Variants in TCF25 observed in about 807,000 individuals in gnomAD.
The protein encoded by TCF25 is ribosome quality control complex subunit TCF25.
TCF25 carries 41 observed loss-of-function variants against 83.1 expected under a neutral mutation model. That is an observed-to-expected ratio of 0.49 (90% CI 0.38 to 0.64). The LOEUF (loss-of-function observed/expected upper bound fraction) is 0.64, where lower values mean the gene tolerates loss of function less well. Ranked by LOEUF, TCF25 falls within the 30% of genes least tolerant of loss-of-function variation. The pLI is 0.00. For missense variants in TCF25, 979 were observed against 914.5 expected, an observed-to-expected ratio of 1.07 and a Z score of -0.91; for synonymous variants, 458 against 365.0, an observed-to-expected ratio of 1.25 and a Z score of -2.90.
At chr16:89,887,541 C>G in intron 4 of TCF25, 111 bp from the exon 5 acceptor site, 4 of 1,094,858 alleles carry the variant, frequency 3.7e-6, no homozygotes, top group Non-Finnish European at 5.0e-6. Flanking sequence ...AGCTGCCTTT[C>G]AAACCAAAAA....
rs1597370528 is a variant in TCF25, at chr16:89,903,612, C to A, written c.1382-506C>A. ...CCTGAGGTCAAGAGTTCAAGACCAGCCTGGCCAGCATGGTGAAACCCTGTC... is the reference window on the plus strand; with the variant it reads ...CCTGAGGTCAAGAGTTCAAGACCAGACTGGCCAGCATGGTGAAACCCTGTC... On this transcript the variant is annotated intron_variant, in intron 12 of 17. Transcript: ENST00000263346. 2.6e-5 allele frequency among the ~76,000 whole-genome samples: 4 copies of A among 152,044 alleles called. No homozygotes were observed. The East Asian group carries it at 7.7e-4, about 29-fold the overall frequency.
chr16:89,910,726 G>A (rs1297495485), intron 17 of TCF25, 63 bp downstream of exon 17: 21 of 1,526,754 alleles, frequency 1.4e-5, no homozygotes, highest in African/African-American at 2.7e-5. Context: ...ATTCCAGTGC[G>A]AATGCCTGGA....
rs555770033 is a variant in TCF25, at chr16:89,873,610, A to C, written c.-58A>C. ...GCGAAGAGTGCGCAGGCGCGCCGAC[A>C]GCCGAGTTTTCTGCGCTTCCTTCTC... On this transcript the variant is annotated 5_prime_UTR_variant, in exon 1 of 18. Coordinates refer to ENST00000263346, the MANE Select transcript of TCF25 (RefSeq NM_014972.3). 2,669 of 1,276,128 alleles carry C rather than the reference A, an allele frequency of 2.1e-3. 4 individuals are homozygous for C. Among genetic ancestry groups the C allele is most frequent in the Non-Finnish European group, 2.4e-3 (2,342 of 990,854 alleles). 79.1% of individuals were successfully genotyped at this position (1,276,128 alleles called of 1,614,324 possible).
chr16:89,883,639 A>G, intron 2 of TCF25, 127 bp downstream of exon 2: 1 of 1,124,748 alleles, frequency 8.9e-7, no homozygotes, highest in Non-Finnish European at 1.2e-6. Context: ...GTTACCTGCT[A>G]GTTGCCCCCA....
chr16:89,910,605 G>C lies in TCF25; in HGVS notation c.1814G>C (p.Ser605Thr). ...CTTTCTTTCAGGCTAAGTCCTATCAGCCATGGAAACACCATTGCTCTCTTC... is the reference window on the plus strand; with the variant it reads ...CTTTCTTTCAGGCTAAGTCCTATCACCCATGGAAACACCATTGCTCTCTTC... ...YVRPERLSPI[S>T]HGNTIALFFR... The change falls in exon 17 of 18, where the codon AGC becomes ACC. Residue 605 changes from serine (S) to threonine (T), a missense_variant. Ser to Thr is a moderately conservative substitution (Grantham distance 58). Coordinates refer to ENST00000263346, the MANE Select transcript of TCF25 (RefSeq NM_014972.3). 1.9e-6 allele frequency: 3 copies of C among 1,613,732 alleles called. No individual in the cohort carries two copies. The highest frequency in any genetic ancestry group is 2.5e-6 in the Non-Finnish European group (3 of 1,179,962).
chr16:89,893,859 G>C lies in TCF25; in HGVS notation c.828+1G>C. 1 of 1,601,400 alleles carries C rather than the reference G, an allele frequency of 6.2e-7. No homozygotes were observed. The highest frequency in any genetic ancestry group is 8.5e-7 in the Non-Finnish European group (1 of 1,174,398). On this transcript the variant is annotated splice_donor_variant, in intron 7 of 17. Transcript: ENST00000263346. LOFTEE classifies it high-confidence loss of function. ...GTCTATGGAGCCGAACAACATCGTG[G>C]TGCGTGGTCCCTGCAGCCCCTGACA...
At chr16:89,888,899 C>T (rs2043215952) in intron 5 of TCF25, among the ~76,000 whole-genome samples, 1 of 139,260 alleles carries the variant, frequency 7.2e-6, no homozygotes, top group Admixed American at 7.5e-5. Context: ...GTCGGCCAGG[C>T]TGGTCTCGAA....
Position 89,910,610 on chromosome 16 carries a change from G to A in TCF25, c.1819G>A (p.Gly607Arg), listed in dbSNP as rs777041273. Residue 607 changes from glycine (G) to arginine (R), a missense_variant, in exon 17 of 18, where the codon GGA becomes AGA. Coordinates refer to ENST00000263346, the MANE Select transcript of TCF25 (RefSeq NM_014972.3). ...TTTCAGGCTAAGTCCTATCAGCCAT[G>A]GAAACACCATTGCTCTCTTCTTCCG... Reference protein sequence around the residue: ...RPERLSPISHGNTIALFFRSL... With the variant: ...RPERLSPISHRNTIALFFRSL... 8.7e-6 allele frequency: 14 copies of A among 1,613,602 alleles called. No individual in the cohort carries two copies. In the Admixed American group the frequency reaches 1.8e-4, roughly 21 times the overall value.
chr16:89,903,032 G>C (rs2044474973), intron 12 of TCF25, among the ~76,000 whole-genome samples: 1 of 152,234 alleles, frequency 6.6e-6, no homozygotes, highest in African/African-American at 2.4e-5. Context: ...CGTCCCCTGT[G>C]TCTAAGAAGC....
chr16:89,898,823 T>C lies in TCF25; in HGVS notation c.1172T>C (p.Leu391Ser), dbSNP rs1324618166. 3.7e-6 allele frequency: 6 copies of C among 1,613,860 alleles called. No individual in the cohort carries two copies. Among genetic ancestry groups the C allele is most frequent in the Non-Finnish European group, 4.2e-6 (5 of 1,180,032 alleles). ...CMLLLIDHLA[L>S]RARNYEYLIR... The stretch of plus-strand genomic sequence containing the variant: ...CTGCTGCTCATCGACCACCTGGCCT[T>C]GCGGGCCCGGAACTACGAGTACCTG... The change falls in exon 11 of 18, where the codon TTG (leucine) becomes TCG (serine). Residue 391 changes from leucine to serine, a missense_variant. Coordinates refer to ENST00000263346, the MANE Select transcript of TCF25 (RefSeq NM_014972.3).
intron 13 of TCF25, chr16:89,904,583 A>C (rs1306370578): frequency 6.2e-6 from 3 of 485,588 alleles, no homozygotes; most frequent in Non-Finnish European, 1.1e-5. Flanking sequence ...GTCTCAAAAA[A>C]CAAAATAAAC....
intron 1 of TCF25, among the ~76,000 whole-genome samples, chr16:89,876,836 G>A (rs773914891): frequency 4.2e-4 from 64 of 151,636 alleles, no homozygotes; most frequent in Non-Finnish European, 8.5e-4. Flanking sequence ...GGCTGAGGCA[G>A]GAGAATGGCG....
At chr16:89,891,024 T>A (rs2043386889) in intron 5 of TCF25, among the ~76,000 whole-genome samples, 1 of 150,010 alleles carries the variant, frequency 6.7e-6, no homozygotes, top group Non-Finnish European at 1.5e-5. Context: ...TAACAGGCAC[T>A]GCTTTCTCTT....
rs959891704 is a variant in TCF25 at position 89,886,792 on chromosome 16, C to G, written c.548+826C>G. 2.6e-5 allele frequency among the ~76,000 whole-genome samples: 4 copies of G among 151,282 alleles called. 1 individual carries two copies. The South Asian group carries it at 8.4e-4, about 32-fold the overall frequency. On this transcript the variant is annotated intron_variant, in intron 4 of 17. Transcript: ENST00000263346. ...AAGAAAAAAAAAATACAAAAATTAG[C>G]TGGATGTGGTGGTGGGTGCCTGTAA...
intron 5 of TCF25, among the ~76,000 whole-genome samples, chr16:89,891,160 C>T (rs1006489539): frequency 1.3e-5 from 2 of 152,230 alleles, no homozygotes; most frequent in South Asian, 2.1e-4. Flanking sequence ...CCCCTGCCCC[C>T]TCCTGGCATC....
chr16:89,900,395 C>T (rs994722292), intron 11 of TCF25, among the ~76,000 whole-genome samples: 4 of 151,602 alleles, frequency 2.6e-5, no homozygotes, highest in Admixed American at 6.6e-5. Context: ...ACGGTGTCCT[C>T]GCTCCGGCTC....
chr16:89,906,418 A>G, intron 15 of TCF25, 134 bp downstream of exon 15: 2 of 804,956 alleles, frequency 2.5e-6, no homozygotes, highest in Non-Finnish European at 4.1e-6. Context: ...CGGCAGGGGC[A>G]GGGTCTAGTG....
chr16:89,910,415 G>A, intron 16 of TCF25, 176 bp from the exon 17 acceptor site: 3 of 638,798 alleles, frequency 4.7e-6, no homozygotes, highest in Non-Finnish European at 5.5e-6. Context: ...TGATGAGGAA[G>A]CCTCACGGGC....
chr16:89,875,443 G>A lies in TCF25; in HGVS notation c.192+1584G>A, dbSNP rs565268720. On this transcript the variant is annotated intron_variant, in intron 1 of 17. Coordinates refer to ENST00000263346, the MANE Select transcript of TCF25 (RefSeq NM_014972.3). ...TAATTTCTGCGTGCTGAAAGATACT[G>A]GAGCCACTTTTCTCATTGTTACACA... Among the ~76,000 whole-genome samples the A allele has an allele frequency of 2.1e-4, 32 of 151,062 alleles. No individual in the cohort carries two copies. The Middle Eastern group carries it at 0.01, about 49-fold the overall frequency.
Sources: allele counts gnomAD v4.1 joint callset (sites outside exome capture counted in the v4.1 genomes callset), GRCh38; gene constraint gnomAD v4.1.1; transcripts MANE v1.5; gene names NCBI Gene and HGNC (gene_info 2026-07-23, HGNC 2026-07-21).